Variants in HMGCLL1 observed in about 807,000 individuals in gnomAD.
The protein encoded by HMGCLL1 is 3-hydroxymethyl-3-methylglutaryl-CoA lyase, cytoplasmic.
Under a neutral mutation model 39.1 loss-of-function variants are expected in HMGCLL1, and 36 were observed. That is an observed-to-expected ratio of 0.92 (90% CI 0.71 to 1.22). The LOEUF (loss-of-function observed/expected upper bound fraction) is 1.22, where lower values mean the gene tolerates loss of function less well. Among genes scored for constraint, HMGCLL1 ranks in the 50% most tolerant of loss-of-function variants. The pLI is 0.00. For missense variants in HMGCLL1, 451 were observed against 416.5 expected, an observed-to-expected ratio of 1.08 and a Z score of -0.72; for synonymous variants, 149 against 144.0, an observed-to-expected ratio of 1.03 and a Z score of -0.25.
intron 7 of HMGCLL1, among the ~76,000 whole-genome samples, chr6:55,450,321 A>G (rs1453713298): frequency 1.3e-5 from 2 of 152,232 alleles, no homozygotes; most frequent in East Asian, 3.9e-4. Context: ...GAAGATTTCA[A>G]AACAAACGAA....
At chr6:55,445,566 G>A (rs115812025) in intron 7 of HMGCLL1, among the ~76,000 whole-genome samples, 2,400 of 151,738 alleles carry the variant, frequency 0.016, 41 homozygotes, top group Non-Finnish European at 0.027. Flanking sequence ...AGAGACTTTC[G>A]GCATTAAAGG....
chr6:55,602,376 T>C, the HMGCLL1 span, among the ~76,000 whole-genome samples: 1 of 152,098 alleles, frequency 6.6e-6, no homozygotes, highest in Non-Finnish European at 1.5e-5. Context: ...AAAATTACAT[T>C]TTCCTTTAAA....
the HMGCLL1 span, among the ~76,000 whole-genome samples, chr6:55,643,207 G>T: frequency 1.6e-4 from 25 of 152,124 alleles, no homozygotes; most frequent in Admixed American, 1.6e-3. Context: ...GCTCTTTGAT[G>T]AATTGCCACA....
the HMGCLL1 span, among the ~76,000 whole-genome samples, chr6:55,599,624 A>G: frequency 6.6e-6 from 1 of 152,180 alleles, no homozygotes; most frequent in Admixed American, 6.6e-5. Context: ...ACTAACTCCA[A>G]TTACTATCAC....
At chr6:55,508,318 C>T (rs1410196345) in intron 5 of HMGCLL1, among the ~76,000 whole-genome samples, 1 of 151,794 alleles carries the variant, frequency 6.6e-6, no homozygotes, top group Non-Finnish European at 1.5e-5. Context: ...GAGATTGACT[C>T]ATTTCAATCC....
At chr6:55,558,372 T>A (rs1481761423) in intron 1 of HMGCLL1, among the ~76,000 whole-genome samples, 1 of 152,208 alleles carries the variant, frequency 6.6e-6, no homozygotes, top group Non-Finnish European at 1.5e-5. Flanking sequence ...TTTGAGGTGG[T>A]CCTGGTTTAT....
chr6:55,652,819 C>G, the HMGCLL1 span, among the ~76,000 whole-genome samples: 2 of 152,024 alleles, frequency 1.3e-5, no homozygotes, highest in Non-Finnish European at 2.9e-5. Context: ...ATCATAAAAA[C>G]AAGAAAATAT....
At chr6:55,450,183 T>C (rs182316737) in intron 7 of HMGCLL1, among the ~76,000 whole-genome samples, 3 of 152,302 alleles carry the variant, frequency 2.0e-5, no homozygotes, top group African/African-American at 7.2e-5. Context: ...TCCAAATACA[T>C]ACCACAGTGA....
At chr6:55,646,128 A>T in the HMGCLL1 span, among the ~76,000 whole-genome samples, 1 of 151,816 alleles carries the variant, frequency 6.6e-6, no homozygotes, top group African/African-American at 2.4e-5. Context: ...TTGGTAGGTT[A>T]TATGTGTCTA....
the HMGCLL1 span, among the ~76,000 whole-genome samples, chr6:55,606,021 T>A: frequency 6.6e-6 from 1 of 152,182 alleles, no homozygotes; most frequent in South Asian, 2.1e-4. Flanking sequence ...ATTTGATGAA[T>A]TGAAGAGGTT....
At chr6:55,545,655 G>A (rs1769922098) in intron 1 of HMGCLL1, among the ~76,000 whole-genome samples, 1 of 152,112 alleles carries the variant, frequency 6.6e-6, no homozygotes, top group Non-Finnish European at 1.5e-5. Flanking sequence ...GGAACAGCAT[G>A]TACTGGGGAA....
At chr6:55,642,402 T>G in the HMGCLL1 span, among the ~76,000 whole-genome samples, 1 of 152,090 alleles carries the variant, frequency 6.6e-6, no homozygotes, top group South Asian at 2.1e-4. Flanking sequence ...TTTAATGGAC[T>G]GATTAACAAT....
chr6:55,674,720 G>C, the HMGCLL1 span, among the ~76,000 whole-genome samples: 1 of 152,024 alleles, frequency 6.6e-6, no homozygotes, highest in Non-Finnish European at 1.5e-5. Flanking sequence ...AAGGGTAATA[G>C]GACCTGTGAG....
At chr6:55,469,687 A>T (rs1764962872) in intron 7 of HMGCLL1, among the ~76,000 whole-genome samples, 2 of 151,664 alleles carry the variant, frequency 1.3e-5, no homozygotes, top group Non-Finnish European at 2.9e-5. Flanking sequence ...AAATGGAACC[A>T]ATGTAAGGTG....
chr6:55,629,055 G>A, the HMGCLL1 span, among the ~76,000 whole-genome samples: 13 of 152,244 alleles, frequency 8.5e-5, no homozygotes, highest in East Asian at 3.9e-4. Flanking sequence ...ACGTGGAAGC[G>A]ACTTTGGAAC....
At chr6:55,652,060 T>C in the HMGCLL1 span, among the ~76,000 whole-genome samples, 1 of 152,020 alleles carries the variant, frequency 6.6e-6, no homozygotes, top group Admixed American at 6.6e-5. Context: ...TACTGTGATT[T>C]TTCGCCTGAT....
At chr6:55,662,234 G>T in the HMGCLL1 span, among the ~76,000 whole-genome samples, 1 of 151,672 alleles carries the variant, frequency 6.6e-6, no homozygotes, top group South Asian at 2.1e-4. Context: ...CTAAATAGGT[G>T]TACTAAGAGA....
At chr6:55,574,775 T>A (rs538254680) in intron 1 of HMGCLL1, among the ~76,000 whole-genome samples, 2 of 152,136 alleles carry the variant, frequency 1.3e-5, no homozygotes, top group South Asian at 4.1e-4. Context: ...ATTATCATCT[T>A]ATTACATTTA....
intron 5 of HMGCLL1, among the ~76,000 whole-genome samples, chr6:55,499,678 A>G (rs764123840): frequency 2.0e-5 from 3 of 152,080 alleles, no homozygotes; most frequent in Non-Finnish European, 4.4e-5. Context: ...TTGGAAACAT[A>G]CAAGGAGATC....
Sources: allele counts gnomAD v4.1 joint callset (sites outside exome capture counted in the v4.1 genomes callset), GRCh38; gene constraint gnomAD v4.1.1; transcripts MANE v1.5; gene names NCBI Gene and HGNC (gene_info 2026-07-23, HGNC 2026-07-21).